RPS6KC1: variants seen among roughly 807,000 people sequenced by gnomAD.
RPS6KC1 encodes ribosomal protein S6 kinase C1.
RPS6KC1 carries 54 observed loss-of-function variants against 103.8 expected under a neutral mutation model. The ratio of observed to expected loss-of-function variants is 0.52; its 90% CI spans 0.42 to 0.65. RPS6KC1 has a LOEUF of 0.65. RPS6KC1 is among the 30% of genes least tolerant of loss of function. The pLI, the probability that RPS6KC1 is intolerant of heterozygous loss-of-function variation, is 0.00. For synonymous variants in RPS6KC1, 439 were observed against 438.7 expected (o/e 1.00, Z -0.01); for missense variants, 1,151 against 1,253.8 (o/e 0.92, Z 1.24).
chr1:213,421,494 A>G, the RPS6KC1 span, among the ~76,000 whole-genome samples: 1 of 152,234 alleles, frequency 6.6e-6, no homozygotes, highest in Admixed American at 6.5e-5. Context: ...TCGGTTAGCC[A>G]CTTGTAAAAT....
intron 6 of RPS6KC1, among the ~76,000 whole-genome samples, chr1:213,150,884 G>A (rs2088659023): frequency 6.6e-6 from 1 of 152,036 alleles, no homozygotes; most frequent in South Asian, 2.1e-4. Context: ...TTCCCAGTAG[G>A]GGTGGCCGGG....
intron 2 of RPS6KC1, among the ~76,000 whole-genome samples, chr1:213,074,203 T>A (rs1482622365): frequency 1.3e-5 from 2 of 152,208 alleles, no homozygotes; most frequent in African/African-American, 4.8e-5. Context: ...TTAAGTGTAA[T>A]TATCTGAAAA....
At chr1:213,408,720 C>T in the RPS6KC1 span, among the ~76,000 whole-genome samples, 1 of 152,206 alleles carries the variant, frequency 6.6e-6, no homozygotes, top group Non-Finnish European at 1.5e-5. Context: ...TCTCCATACA[C>T]ACAGATGCAC....
At chr1:213,681,461 A>C in the RPS6KC1 span, among the ~76,000 whole-genome samples, 2 of 152,100 alleles carry the variant, frequency 1.3e-5, no homozygotes, top group Admixed American at 1.3e-4. Context: ...GATAATGGAG[A>C]GAGAGAGAGA....
the RPS6KC1 span, among the ~76,000 whole-genome samples, chr1:213,789,710 G>T: frequency 6.6e-6 from 1 of 152,176 alleles, no homozygotes; most frequent in Non-Finnish European, 1.5e-5. Flanking sequence ...CCAATTGCTT[G>T]TTAAGTCACA....
At chr1:213,654,367 G>A in the RPS6KC1 span, among the ~76,000 whole-genome samples, 2 of 152,180 alleles carry the variant, frequency 1.3e-5, no homozygotes, top group Non-Finnish European at 2.9e-5. Flanking sequence ...TAAAAAAAGG[G>A]GAAATGTAGG....
chr1:213,201,170 C>T (rs1390236612), intron 8 of RPS6KC1, among the ~76,000 whole-genome samples: 1 of 152,100 alleles, frequency 6.6e-6, no homozygotes, highest in Non-Finnish European at 1.5e-5. Flanking sequence ...TGTTTATAGC[C>T]ACTTTATTCA....
chr1:213,629,427 A>G, the RPS6KC1 span, among the ~76,000 whole-genome samples: 1 of 151,266 alleles, frequency 6.6e-6, no homozygotes, highest in Non-Finnish European at 1.5e-5. Context: ...TTTGTTTTCC[A>G]TTTGCTTGGT....
the RPS6KC1 span, among the ~76,000 whole-genome samples, chr1:213,406,516 C>T: frequency 6.6e-6 from 1 of 152,118 alleles, no homozygotes; most frequent in Non-Finnish European, 1.5e-5. Context: ...GGATGGGAGG[C>T]CCCTGGAGAG....
intron 12 of RPS6KC1, among the ~76,000 whole-genome samples, chr1:213,246,359 C>T (rs530222569): frequency 8.5e-5 from 13 of 152,242 alleles, no homozygotes; most frequent in African/African-American, 3.1e-4. Flanking sequence ...TATAGCATGA[C>T]AATATAAATA....
intron 8 of RPS6KC1, among the ~76,000 whole-genome samples, chr1:213,191,540 G>A (rs944082502): frequency 1.3e-5 from 2 of 152,048 alleles, no homozygotes; most frequent in African/African-American, 4.8e-5. Context: ...TTTTTTAGGG[G>A]AGTCTTTAGA....
the RPS6KC1 span, among the ~76,000 whole-genome samples, chr1:213,757,770 G>T: frequency 6.6e-6 from 1 of 152,164 alleles, no homozygotes; most frequent in East Asian, 1.9e-4. Context: ...TCCATACCTG[G>T]CTTCAAAGCT....
intron 6 of RPS6KC1, among the ~76,000 whole-genome samples, chr1:213,155,268 G>T (rs1466038013): frequency 6.6e-6 from 1 of 152,120 alleles, no homozygotes; most frequent in Non-Finnish European, 1.5e-5. Flanking sequence ...TAGTATCTCA[G>T]TATGCCATGT....
the RPS6KC1 span, among the ~76,000 whole-genome samples, chr1:213,641,424 G>T: frequency 6.6e-6 from 1 of 151,992 alleles, no homozygotes; most frequent in Non-Finnish European, 1.5e-5. Flanking sequence ...GGGTAAATTG[G>T]TTATTAGATT....
At chr1:213,336,871 G>A in the RPS6KC1 span, among the ~76,000 whole-genome samples, 2 of 152,152 alleles carry the variant, frequency 1.3e-5, no homozygotes, top group Admixed American at 6.5e-5. Context: ...ACAACTCTAG[G>A]GGGTACCATT....
chr1:213,740,127 A>G, the RPS6KC1 span, among the ~76,000 whole-genome samples: 1 of 152,312 alleles, frequency 6.6e-6, no homozygotes, highest in Non-Finnish European at 1.5e-5. Context: ...TTTATTTAAA[A>G]TGATCTCTAG....
chr1:213,400,753 C>T, the RPS6KC1 span, among the ~76,000 whole-genome samples: 3 of 151,652 alleles, frequency 2.0e-5, no homozygotes, highest in Admixed American at 2.0e-4. Context: ...GTCACCCAGG[C>T]TGGAGTGCAG....
At position 213,274,438 on chromosome 1, in the gene RPS6KC1, C is replaced by A. The variant is rs1040065996; in HGVS notation, c.*1804C>A. The A allele has an allele frequency of 2.6e-5, 4 of 152,186 alleles. No homozygotes were observed. Among genetic ancestry groups the A allele is most frequent in the African/African-American group, 7.2e-5 (3 of 41,446 alleles). The allele number at this position is 152,186 out of a possible 1,614,324, so 9.4% of individuals were successfully genotyped here. A position where few individuals can be genotyped will look rare whatever the true frequency, so the allele number is the denominator to read the frequency against. ...ATTTGAGTCTCTTGGATTCAAAGGA[C>A]ATTAATGTCAACAGATGGTTGCCAT... On this transcript the variant is annotated 3_prime_UTR_variant, in exon 15 of 15. Transcript: ENST00000366960.
At chr1:213,205,555 T>C (rs1201950529) in intron 8 of RPS6KC1, among the ~76,000 whole-genome samples, 1 of 137,336 alleles carries the variant, frequency 7.3e-6, no homozygotes, top group Admixed American at 7.1e-5. Context: ...TAGATATATA[T>C]ATATATATAT....
Sources: gnomAD v4.1 joint callset for allele counts (sites outside exome capture counted in the v4.1 genomes callset) on GRCh38, gnomAD v4.1.1 for gene constraint, MANE v1.5 for transcripts, NCBI Gene and HGNC (gene_info 2026-07-23, HGNC 2026-07-21) for gene names.